Variants in SRPK1 observed in about 807,000 individuals in gnomAD.
SRPK1 encodes the protein SFRS protein kinase 1.
Under a neutral mutation model 89.5 loss-of-function variants are expected in SRPK1, and 52 were observed. That is an observed-to-expected ratio of 0.58 (90% CI 0.46 to 0.73). The LOEUF is 0.73. SRPK1 is among the 30% of genes least tolerant of loss of function. The pLI, the probability that SRPK1 is intolerant of heterozygous loss-of-function variation, is 0.00. For synonymous variants in SRPK1, 255 were observed against 270.2 expected, an observed-to-expected ratio of 0.94 and a Z score of 0.55; for missense variants, 603 against 780.6, an observed-to-expected ratio of 0.77 and a Z score of 2.71.
chr6:35,904,241 A>AT (rs942868211), intron 2 of SRPK1, among the ~76,000 whole-genome samples: 1 of 152,194 alleles, frequency 6.6e-6, no homozygotes, highest in African/African-American at 2.4e-5. Context: ...ACCCTGTTAA[A>AT]TTAGTTGAAA....
At chr6:35,842,458 G>T in intron 14 of SRPK1, 77 bp downstream of exon 14, 1 of 1,137,542 alleles carries the variant, frequency 8.8e-7, no homozygotes, top group South Asian at 1.7e-5. Flanking sequence ...AAGGCTCTTC[G>T]GTACTAACAA....
At position 35,833,787 on chromosome 6, in the gene SRPK1, A is replaced by G. The variant is rs1769113856; in HGVS notation, c.*1517T>C. 6.6e-6 allele frequency: 1 copy of G among 152,542 alleles called. No individual in the cohort carries two copies. Among genetic ancestry groups the G allele is most frequent in the Non-Finnish European group, 1.5e-5 (1 of 68,048 alleles). The allele number at this position is 152,542 out of a possible 1,614,324, so 9.4% of individuals were successfully genotyped here. A position where few individuals can be genotyped will look rare whatever the true frequency, so the allele number is the denominator to read the frequency against. On this transcript the variant is annotated 3_prime_UTR_variant, in exon 16 of 16. Transcript: ENST00000373825. ...CTCCTGTATAGAAAGGTGGTTACCC[A>G]ATAGCCTCACTGGTGGCTTGCTAGC...
chr6:35,840,362 T>C (rs1374138811), intron 14 of SRPK1, among the ~76,000 whole-genome samples: 2 of 152,206 alleles, frequency 1.3e-5, no homozygotes, highest in African/African-American at 2.4e-5. Flanking sequence ...ATTTATGGTT[T>C]GGTAACAAGT....
Position 35,893,933 on chromosome 6 carries a change from T to C in SRPK1, c.75-2920A>G, listed in dbSNP as rs534989436. ...GGCTGAGGTGTGAGAATTGCTTGAA[T>C]CCGGGAGACAGAGGTTGCAATGAGC... On this transcript the variant is annotated intron_variant, in intron 2 of 15. Coordinates refer to ENST00000373825, the MANE Select transcript of SRPK1 (RefSeq NM_003137.5). 5.3e-5 allele frequency among the ~76,000 whole-genome samples: 8 copies of C among 151,528 alleles called. No individual in the cohort carries two copies. In the East Asian group the frequency reaches 9.8e-4, roughly 19 times the overall value.
At chr6:35,883,825 C>T (rs766688036) in intron 6 of SRPK1, among the ~76,000 whole-genome samples, 35 of 151,864 alleles carry the variant, frequency 2.3e-4, no homozygotes, top group Non-Finnish European at 4.6e-4. Context: ...ATCTCCTCCT[C>T]CCAGGTTCAC....
intron 2 of SRPK1, among the ~76,000 whole-genome samples, chr6:35,893,839 C>T (rs1039843511): frequency 3.4e-4 from 51 of 147,974 alleles, no homozygotes; most frequent in African/African-American, 1.3e-3. Flanking sequence ...GGTGAAACCC[C>T]GTCTCTACTA....
chr6:35,896,764 G>A (rs1018950651), intron 2 of SRPK1, among the ~76,000 whole-genome samples: 5 of 152,136 alleles, frequency 3.3e-5, no homozygotes, highest in Non-Finnish European at 2.9e-5. Context: ...ACTGATTCCT[G>A]GGGACAGGGT....
At chr6:35,852,755 G>A (rs1769581602) in intron 13 of SRPK1, among the ~76,000 whole-genome samples, 3 of 152,190 alleles carry the variant, frequency 2.0e-5, no homozygotes, top group Non-Finnish European at 4.4e-5. Context: ...AGCCTTAAGA[G>A]TTCTAGACAG....
At chr6:35,898,688 T>C (rs1425915028) in intron 2 of SRPK1, among the ~76,000 whole-genome samples, 2 of 152,006 alleles carry the variant, frequency 1.3e-5, no homozygotes, top group African/African-American at 2.4e-5. Context: ...GCCGAGATCA[T>C]GACATTGCAC....
At chr6:35,899,867 A>T (rs2127262696) in intron 2 of SRPK1, among the ~76,000 whole-genome samples, 1 of 151,878 alleles carries the variant, frequency 6.6e-6, no homozygotes, top group Admixed American at 6.6e-5. Flanking sequence ...TGGGCATGGT[A>T]GCGGGCACCT....
chr6:35,864,690 T>C (rs1010606560), intron 12 of SRPK1, among the ~76,000 whole-genome samples: 7 of 152,220 alleles, frequency 4.6e-5, no homozygotes, highest in South Asian at 4.1e-4. Context: ...CACTGCTGCG[T>C]ATATAATCAA....
Position 35,872,588 on chromosome 6 carries a change from T to C in SRPK1, c.726A>G (p.Gly242=). ...CTGCAGATCCGGAAGGCGGAGGAGC[T>C]CCAGATCGCTGCCATTCTGTTGCTT... is the stretch of plus-strand genomic sequence containing the variant. The part of the protein sequence containing the change: ...AAEATEWQRS[G]APPPSGSAVS... Residue 242 remains glycine, a synonymous_variant, in exon 8 of 16, where the codon GGA becomes GGG. Coordinates refer to ENST00000373825, the MANE Select transcript of SRPK1 (RefSeq NM_003137.5). 1 of 1,609,562 alleles carries C rather than the reference T, an allele frequency of 6.2e-7. No homozygotes were observed. The highest frequency in any genetic ancestry group is 1.1e-5 in the South Asian group (1 of 89,398).
chr6:35,837,165 T>G (rs750193942), intron 15 of SRPK1, among the ~76,000 whole-genome samples: 2 of 152,224 alleles, frequency 1.3e-5, no homozygotes, highest in East Asian at 3.8e-4. Context: ...GTTTTGTTTT[T>G]GTGGTTTTTT....
At chr6:35,858,547 C>T (rs915265165) in intron 12 of SRPK1, among the ~76,000 whole-genome samples, 7 of 152,102 alleles carry the variant, frequency 4.6e-5, no homozygotes, top group African/African-American at 1.4e-4. Flanking sequence ...AAACTGGAAA[C>T]TATAAAACAA....
At chr6:35,894,223 C>G (rs1273934557) in intron 2 of SRPK1, among the ~76,000 whole-genome samples, 1 of 151,378 alleles carries the variant, frequency 6.6e-6, no homozygotes, top group Non-Finnish European at 1.5e-5. Context: ...AAAGACCAAA[C>G]TTAAAAACTA....
intron 2 of SRPK1, among the ~76,000 whole-genome samples, chr6:35,911,217 C>T (rs1349006206): frequency 6.6e-6 from 1 of 152,166 alleles, no homozygotes; most frequent in Non-Finnish European, 1.5e-5. Context: ...GTAAAAATAT[C>T]AACATTAACA....
At chr6:35,872,502 A>C in intron 8 of SRPK1, 61 bp downstream of exon 8, 2 of 1,445,156 alleles carry the variant, frequency 1.4e-6, no homozygotes, top group Non-Finnish European at 1.8e-6. Context: ...TGGTAACAGA[A>C]TAAAAATAGA....
chr6:35,838,192 T>G, intron 15 of SRPK1, 145 bp downstream of exon 15: 1 of 618,326 alleles, frequency 1.6e-6, no homozygotes, highest in African/African-American at 1.9e-5. Flanking sequence ...GACCACTTTT[T>G]TTACCTCTTT....
In SRPK1 at chr6:35,908,155, T is replaced by C. The variant is rs138817242; in HGVS notation, c.74+12313A>G. Among the ~76,000 whole-genome samples, 972 of 152,248 alleles carry C rather than the reference T, an allele frequency of 6.4e-3. 7 individuals carry two copies. The highest frequency in any genetic ancestry group is 0.011 in the Non-Finnish European group (743 of 68,012). ...GTGTGAAATGGACTAATACAGTAAA[T>C]TGGTACCACAGAGAGTGGGGTACTG... On this transcript the variant is annotated intron_variant, in intron 2 of 15. Coordinates refer to ENST00000373825, the MANE Select transcript of SRPK1 (RefSeq NM_003137.5).
Sources: gnomAD v4.1 joint callset for allele counts (sites outside exome capture counted in the v4.1 genomes callset) on GRCh38, gnomAD v4.1.1 for gene constraint, MANE v1.5 for transcripts, NCBI Gene and HGNC (gene_info 2026-07-23, HGNC 2026-07-21) for gene names.